Variants in DCC observed in about 807,000 individuals in gnomAD.
DCC encodes DCC netrin 1 receptor.
A neutral mutation model predicts 172.5 loss-of-function variants in DCC; 58 were observed. That is an observed-to-expected ratio of 0.34 (90% confidence interval 0.27 to 0.42). The LOEUF (loss-of-function observed/expected upper bound fraction) is 0.42, where lower values mean the gene tolerates loss of function less well. DCC is among the 10% of genes least tolerant of loss of function. The probability of loss-of-function intolerance (pLI) is 1.00; values close to 1 mark genes in which losing one functional copy is unlikely to be tolerated. For missense variants in DCC, 1,740 were observed against 1,791.0 expected (o/e 0.97, Z 0.51); for synonymous variants, 709 against 644.5 (o/e 1.10, Z -1.52).
intron 2 of DCC, among the ~76,000 whole-genome samples, chr18:52,819,346 A>G (rs997537390): frequency 4.6e-5 from 7 of 152,348 alleles, no homozygotes; most frequent in African/African-American, 1.7e-4. Context: ...AATTATAAAG[A>G]TTGTGCCTAA....
At chr18:53,121,419 A>C (rs966451546) in intron 7 of DCC, among the ~76,000 whole-genome samples, 1 of 151,890 alleles carries the variant, frequency 6.6e-6, no homozygotes, top group African/African-American at 2.4e-5. Flanking sequence ...TTTTTGATCC[A>C]AGTGCACATT....
chr18:53,211,012 T>A lies in DCC; in HGVS notation c.1861+3195T>A, dbSNP rs372404037. Among the ~76,000 whole-genome samples, 9 of 152,310 alleles carry A rather than the reference T, an allele frequency of 5.9e-5. No homozygotes were observed. The East Asian group carries it at 1.5e-3, about 26-fold the overall frequency. On this transcript the variant is annotated intron_variant, in intron 11 of 28. Transcript: ENST00000442544. ...TGATCATCTAAATAATTTTGCCAAT[T>A]TGTTCCAAAATACTGTCTCTTGCAC...
At chr18:52,683,904 C>A (rs1419607385) in intron 1 of DCC, among the ~76,000 whole-genome samples, 1 of 152,070 alleles carries the variant, frequency 6.6e-6, no homozygotes, top group African/African-American at 2.4e-5. Flanking sequence ...CCAATGGAAT[C>A]CTCGTATGCA....
chr18:53,192,097 A>G (rs974787755), intron 9 of DCC, among the ~76,000 whole-genome samples: 1 of 152,228 alleles, frequency 6.6e-6, no homozygotes, highest in African/African-American at 2.4e-5. Flanking sequence ...CAGTCAGCCG[A>G]CCAGAAGCCT....
In DCC at chr18:52,999,947, C is replaced by A. The variant is rs957788500; in HGVS notation, c.986-63358C>A. Among the ~76,000 whole-genome samples, 28 of 151,908 alleles carry A rather than the reference C, an allele frequency of 1.8e-4. 1 individual carries two copies. On this transcript the variant is annotated intron_variant, in intron 5 of 28. Coordinates refer to ENST00000442544, the MANE Select transcript of DCC (RefSeq NM_005215.4). ...CTTTATAAGGGAATACATAGCCATG[C>A]AGGGAGAAGGCCATGTGATGAAAGA...
chr18:53,296,322 C>T (rs1382364178), intron 12 of DCC, among the ~76,000 whole-genome samples: 1 of 152,148 alleles, frequency 6.6e-6, no homozygotes, highest in African/African-American at 2.4e-5. Context: ...CCCTTTTCCT[C>T]CCAGTTTCCC....
chr18:53,481,420 C>A (rs1001080945), intron 25 of DCC, among the ~76,000 whole-genome samples: 1 of 152,104 alleles, frequency 6.6e-6, no homozygotes, highest in Non-Finnish European at 1.5e-5. Context: ...CAAAAGCGAC[C>A]CTCTATGGAG....
rs575921318 is a variant in DCC at position 52,946,567 on chromosome 18, T to C, written c.985+21197T>C. Among the ~76,000 whole-genome samples, 5 of 152,262 alleles carry C rather than the reference T, an allele frequency of 3.3e-5. 1 individual carries two copies. In the South Asian group the frequency reaches 1.0e-3, roughly 32 times the overall value. On this transcript the variant is annotated intron_variant, in intron 5 of 28. Coordinates refer to ENST00000442544, the MANE Select transcript of DCC (RefSeq NM_005215.4). ...TTGGGTTCAAGTCTGCCCTGTGTGC[T>C]TCTTCTGGGTCATAGGCAGAAGGGA...
intron 7 of DCC, among the ~76,000 whole-genome samples, chr18:53,143,403 T>C (rs535032512): frequency 6.6e-6 from 1 of 152,314 alleles, no homozygotes; most frequent in South Asian, 2.1e-4. Flanking sequence ...AGTTTAAGAA[T>C]AAAACTCTTA....
chr18:53,018,501 T>C (rs7505465), intron 5 of DCC, among the ~76,000 whole-genome samples: 73,223 of 152,082 alleles, frequency 0.48, 18,773 homozygotes, highest in Non-Finnish European at 0.58. Context: ...TACTTTTGAT[T>C]GGATTGCTTC....
chr18:52,700,186 G>GCACACACACACGCA (rs530238939), intron 1 of DCC, among the ~76,000 whole-genome samples: 3 of 141,672 alleles, frequency 2.1e-5, no homozygotes, highest in African/African-American at 7.8e-5. Context: ...ACATGCACAC[G>GCACACACACACGCA]CACACACACG....
intron 22 of DCC, among the ~76,000 whole-genome samples, chr18:53,443,851 G>A (rs1437791007): frequency 6.6e-6 from 1 of 152,238 alleles, no homozygotes; most frequent in African/African-American, 2.4e-5. Flanking sequence ...GAGGAAGTAA[G>A]TGTGATCGAA....
chr18:53,213,647 CAAAAAAAAAAAAAAAAAA>C (rs34284373), intron 11 of DCC, among the ~76,000 whole-genome samples: 9 of 35,350 alleles, frequency 2.5e-4, no homozygotes, highest in African/African-American at 5.4e-4. Flanking sequence ...GACTCCGTCT[CAAAAAAAAAAAAAAAAAA>C]AAAAAAAAAG....
chr18:52,971,432 A>G (rs2041028324), intron 5 of DCC, among the ~76,000 whole-genome samples: 1 of 152,106 alleles, frequency 6.6e-6, no homozygotes, highest in Non-Finnish European at 1.5e-5. Flanking sequence ...GAATGTCTTC[A>G]GAAAGGAGTC....
intron 8 of DCC, among the ~76,000 whole-genome samples, chr18:53,166,663 GGAA>G (rs2054927175): frequency 1.3e-5 from 2 of 152,122 alleles, no homozygotes; most frequent in African/African-American, 4.8e-5. Flanking sequence ...AGAGATTACA[GGAA>G]AGCACATTTT....
At chr18:53,113,558 T>C (rs1390460082) in intron 7 of DCC, among the ~76,000 whole-genome samples, 5 of 151,454 alleles carry the variant, frequency 3.3e-5, no homozygotes, top group Non-Finnish European at 7.4e-5. Context: ...TATTAAGATA[T>C]AATTCATATA....
chr18:53,380,637 A>AAAGG (rs1599085878), intron 15 of DCC, among the ~76,000 whole-genome samples: 1 of 152,244 alleles, frequency 6.6e-6, no homozygotes, highest in East Asian at 1.9e-4. Flanking sequence ...AGCTCCTGGA[A>AAAGG]AAGGCAGTCA....
chr18:52,629,867 G>A lies in DCC; in HGVS notation c.92-122187G>A, dbSNP rs533765349. 1.4e-3 allele frequency among the ~76,000 whole-genome samples: 216 copies of A among 148,976 alleles called. 4 individuals carry two copies. Among genetic ancestry groups the A allele is most frequent in the African/African-American group, 4.9e-3 (198 of 40,674 alleles). ...CGGGAGGCTGAGGCAGGAGAATGGC[G>A]TGAAACCGGGAGGCGGAGCTTGCAG... On this transcript the variant is annotated intron_variant, in intron 1 of 28. Coordinates refer to ENST00000442544, the MANE Select transcript of DCC (RefSeq NM_005215.4).
In DCC at chr18:53,222,469, C is replaced by T. The variant is rs573251890; in HGVS notation, c.1911+6872C>T. On this transcript the variant is annotated intron_variant, in intron 12 of 28. Transcript: ENST00000442544. ...GTGTGATCTCAGCTCACTGCAACCTCTGCCTTCTGGGTTCAAGCAATTCTT... is the reference window on the plus strand; with the variant it reads ...GTGTGATCTCAGCTCACTGCAACCTTTGCCTTCTGGGTTCAAGCAATTCTT... Among the ~76,000 whole-genome samples, 8 of 145,650 alleles carry T rather than the reference C, an allele frequency of 5.5e-5. No homozygotes were observed. In the East Asian group the frequency reaches 1.4e-3, roughly 26 times the overall value.
Sources: gnomAD v4.1 joint callset for allele counts (sites outside exome capture counted in the v4.1 genomes callset) on GRCh38, gnomAD v4.1.1 for gene constraint, MANE v1.5 for transcripts, NCBI Gene and HGNC (gene_info 2026-07-23, HGNC 2026-07-21) for gene names.